PLCL1: variants seen among roughly 807,000 people sequenced by gnomAD.
PLCL1 encodes phospholipase C like 1 (inactive), also known as inactive phospholipase C-like protein 1.
Under a neutral mutation model 84.4 loss-of-function variants are expected in PLCL1, and 41 were observed. The ratio of observed to expected loss-of-function variants is 0.49; its 90% CI spans 0.38 to 0.63. The LOEUF is 0.63. Ranked by LOEUF, PLCL1 falls within the 30% of genes least tolerant of loss-of-function variation. The pLI is 0.00. For missense variants in PLCL1, 1,206 were observed against 1,367.8 expected (o/e 0.88, Z 1.87); for synonymous variants, 490 against 488.3 (o/e 1.00, Z -0.05).
intron 1 of PLCL1, among the ~76,000 whole-genome samples, chr2:197,830,463 A>T (rs1329622946): frequency 6.6e-6 from 1 of 151,924 alleles, no homozygotes; most frequent in Non-Finnish European, 1.5e-5. Flanking sequence ...GTGAAGACAA[A>T]ATTAGAGAAA....
intron 1 of PLCL1, among the ~76,000 whole-genome samples, chr2:197,839,502 T>A (rs1453629937): frequency 6.6e-6 from 1 of 152,240 alleles, no homozygotes; most frequent in Admixed American, 6.5e-5. Flanking sequence ...ATGCTGCCAC[T>A]GGTCTGACAG....
chr2:197,945,649 C>CAGTA (rs1689257300), intron 1 of PLCL1, among the ~76,000 whole-genome samples: 1 of 152,094 alleles, frequency 6.6e-6, no homozygotes, highest in Admixed American at 6.6e-5. Flanking sequence ...TTCTTCAACT[C>CAGTA]GTGGTGCCTC....
In PLCL1 at chr2:198,083,933, C is replaced by T. The variant is rs770577631; in HGVS notation, c.416C>T (p.Thr139Ile). ...TACAACCGTTTTTTCACTCTGGACACAGACCTTCAAGCTCTTCGCTGGGAA... is the reference window on the plus strand; with the variant it reads ...TACAACCGTTTTTTCACTCTGGACATAGACCTTCAAGCTCTTCGCTGGGAA... ...RIYNRFFTLD[T>I]DLQALRWEPS... Residue 139 changes from threonine (T) to isoleucine (I), a missense_variant, in exon 2 of 6, where the codon ACA (threonine) becomes ATA (isoleucine). Thr to Ile is a moderately conservative substitution (Grantham distance 89). Coordinates refer to ENST00000428675, the MANE Select transcript of PLCL1 (RefSeq NM_006226.4). 6.2e-7 allele frequency: 1 copy of T among 1,614,130 alleles called. No homozygotes were observed. The highest frequency in any genetic ancestry group is 8.5e-7 in the Non-Finnish European group (1 of 1,179,992).
At chr2:198,041,052 A>C in intron 1 of PLCL1, among the ~76,000 whole-genome samples, 1 of 152,184 alleles carries the variant, frequency 6.6e-6, no homozygotes, top group East Asian at 1.9e-4. Flanking sequence ...GTACACTCCC[A>C]AAGCTGCTCT....
chr2:197,977,307 T>G (rs563319073), intron 1 of PLCL1, among the ~76,000 whole-genome samples: 2 of 151,726 alleles, frequency 1.3e-5, no homozygotes, highest in Non-Finnish European at 2.9e-5. Flanking sequence ...CCTGTTGTCC[T>G]ATTAGGACAG....
chr2:198,088,867 G>A lies in PLCL1; in HGVS notation c.2725G>A (p.Val909Met), dbSNP rs542167395. ...DMRENMQNAI[V>M]SIKELCGLPP... The stretch of plus-strand genomic sequence containing the variant: ...GTTTTCTTCCTCACAGAATGCAATC[G>A]TGTCTATTAAGGAACTATGTGGACT... The change falls in exon 3 of 6, where the codon GTG becomes ATG. Residue 909 changes from valine (V) to methionine (M), a missense_variant. Transcript: ENST00000428675. 50 of 1,603,262 alleles carry A rather than the reference G, an allele frequency of 3.1e-5. No homozygotes were observed. Among genetic ancestry groups the A allele is most frequent in the Non-Finnish European group, 3.7e-5 (43 of 1,170,162 alleles).
At chr2:198,132,212 C>T (rs1301888852) in intron 5 of PLCL1, among the ~76,000 whole-genome samples, 1 of 152,154 alleles carries the variant, frequency 6.6e-6, no homozygotes, top group African/African-American at 2.4e-5. Flanking sequence ...CAGGACATCT[C>T]ATAGGTCACT....
At chr2:198,054,809 A>G (rs1404744639) in intron 1 of PLCL1, among the ~76,000 whole-genome samples, 1 of 152,226 alleles carries the variant, frequency 6.6e-6, no homozygotes, top group Non-Finnish European at 1.5e-5. Flanking sequence ...AAGATAGTTC[A>G]TAGTGGGGAT....
At chr2:197,960,464 A>T (rs966276916) in intron 1 of PLCL1, among the ~76,000 whole-genome samples, 1 of 152,120 alleles carries the variant, frequency 6.6e-6, no homozygotes, top group Non-Finnish European at 1.5e-5. Flanking sequence ...AACCAGGACA[A>T]ATAGCAGTTC....
chr2:198,054,159 A>C (rs1319923743), intron 1 of PLCL1, among the ~76,000 whole-genome samples: 1 of 152,242 alleles, frequency 6.6e-6, no homozygotes, highest in Non-Finnish European at 1.5e-5. Flanking sequence ...CAACATCAGA[A>C]CACCTAAATA....
intron 1 of PLCL1, among the ~76,000 whole-genome samples, chr2:197,851,551 A>G (rs1314451011): frequency 1.3e-5 from 2 of 152,266 alleles, no homozygotes; most frequent in African/African-American, 2.4e-5. Context: ...GAGCCGCTAT[A>G]AGAAGAAAGA....
At chr2:197,915,724 C>A (rs1688585268) in intron 1 of PLCL1, among the ~76,000 whole-genome samples, 1 of 152,142 alleles carries the variant, frequency 6.6e-6, no homozygotes, top group Non-Finnish European at 1.5e-5. Flanking sequence ...CCATGAGGCA[C>A]CGATACCCTA....
At chr2:198,096,194 C>T (rs186735372) in intron 3 of PLCL1, among the ~76,000 whole-genome samples, 1 of 152,252 alleles carries the variant, frequency 6.6e-6, no homozygotes, top group East Asian at 1.9e-4. Context: ...AGTAGTCACA[C>T]GCAGTGTTCA....
At chr2:197,908,800 T>A (rs1392130791) in intron 1 of PLCL1, among the ~76,000 whole-genome samples, 1 of 152,246 alleles carries the variant, frequency 6.6e-6, no homozygotes, top group Non-Finnish European at 1.5e-5. Context: ...TTTTCTTTTA[T>A]ACTCCATTAT....
Position 198,085,327 on chromosome 2 carries a change from A to G in PLCL1, c.1810A>G (p.Met604Val), listed in dbSNP as rs139902940. 129 of 1,613,560 alleles carry G rather than the reference A, an allele frequency of 8.0e-5. No individual in the cohort carries two copies. Among genetic ancestry groups the G allele is most frequent in the Non-Finnish European group, 1.0e-4 (123 of 1,179,732 alleles). Residue 604 changes from methionine (M) to valine (V), a missense_variant, in exon 2 of 6, where the codon ATG (methionine) becomes GTG (valine). Met to Val is a conservative substitution (Grantham distance 21, BLOSUM62 1). Transcript: ENST00000428675. This position sits in a 1 kb window ranked among gnomAD's most constrained non-coding sequence, Gnocchi z 5.3. ...TCAATACAGGGATTTTGAACTATCT[A>G]TGAAAAGCCAAAACTATTGGGAAAT... ...SVQYRDFELSMKSQNYWEMCS... is the reference protein window; with the variant it reads ...SVQYRDFELSVKSQNYWEMCS...
At chr2:197,916,950 A>G (rs532541598) in intron 1 of PLCL1, among the ~76,000 whole-genome samples, 3 of 152,338 alleles carry the variant, frequency 2.0e-5, no homozygotes, top group African/African-American at 7.2e-5. Context: ...TTAAACAACA[A>G]TAAGAAACCA....
chr2:197,923,196 C>CA, intron 1 of PLCL1, among the ~76,000 whole-genome samples: 1 of 133,690 alleles, frequency 7.5e-6, no homozygotes, highest in Non-Finnish European at 1.6e-5. Context: ...GGCGGCTGGC[C>CA]GGGCGGGGGG....
At chr2:197,864,938 T>C (rs1024689475) in intron 1 of PLCL1, among the ~76,000 whole-genome samples, 3 of 152,188 alleles carry the variant, frequency 2.0e-5, no homozygotes, top group African/African-American at 7.2e-5. Context: ...TAATACTAAT[T>C]TCACCTTGAT....
intron 1 of PLCL1, among the ~76,000 whole-genome samples, chr2:197,988,419 A>G (rs1038413772): frequency 2.6e-5 from 4 of 152,134 alleles, no homozygotes; most frequent in African/African-American, 9.7e-5. Context: ...ATCACTCTGC[A>G]TGCCTTTGCC....
Sources: gnomAD v4.1 joint callset for allele counts (sites outside exome capture counted in the v4.1 genomes callset) on GRCh38, gnomAD v4.1.1 for gene constraint, Gnocchi (gnomAD v3.1) non-coding constraint, MANE v1.5 for transcripts, NCBI Gene and HGNC (gene_info 2026-07-23, HGNC 2026-07-21) for gene names.